Variants in ZFHX3 observed in about 807,000 individuals in gnomAD.
ZFHX3 encodes zinc finger homeobox 3, also known as zinc finger homeobox protein 3.
A neutral mutation model predicts 279.1 loss-of-function variants in ZFHX3; 42 were observed. The observed-to-expected ratio is 0.15, with a 90% CI of 0.12 to 0.19. ZFHX3 has a LOEUF of 0.19. ZFHX3 is among the 10% of genes least tolerant of loss of function. The pLI is 1.00. For synonymous variants in ZFHX3, 2,293 were observed against 1,957.8 expected (o/e 1.17, Z -4.52); for missense variants, 4,981 against 4,754.0 (o/e 1.05, Z -1.40).
rs1006848606 is a variant in ZFHX3, at chr16:73,265,778, T to C, written c.-1193-8642A>G. 1.6e-4 allele frequency among the ~76,000 whole-genome samples: 25 copies of C among 152,336 alleles called. 1 individual carries two copies. The highest frequency in any genetic ancestry group is 1.1e-3 in the Admixed American group (17 of 15,310). ...TTTGTATAAAAATGGCTGCAGCGAT[T>C]CACAACGTTTTGTTTGGTGATAGAG... On this transcript the variant is annotated intron_variant, in intron 4 of 17. Transcript: ENST00000641206.
At chr16:73,241,565 T>G (rs952104302) in intron 5 of ZFHX3, among the ~76,000 whole-genome samples, 1 of 151,590 alleles carries the variant, frequency 6.6e-6, no homozygotes, top group African/African-American at 2.4e-5. Context: ...CCCAGGCGGG[T>G]GGATCACCTG....
At chr16:72,916,825 A>G (rs1225490290) in intron 3 of ZFHX3, among the ~76,000 whole-genome samples, 3 of 152,220 alleles carry the variant, frequency 2.0e-5, no homozygotes, top group African/African-American at 7.2e-5. Context: ...CTCACAGTAT[A>G]TACCAAAATA....
chr16:73,526,916 T>C (rs1016228235), intron 2 of ZFHX3, among the ~76,000 whole-genome samples: 16 of 151,846 alleles, frequency 1.1e-4, no homozygotes, highest in Non-Finnish European at 1.8e-4. Flanking sequence ...TTACATTTAC[T>C]ATACAGTCCT....
intron 3 of ZFHX3, among the ~76,000 whole-genome samples, chr16:73,328,986 A>G (rs2015746676): frequency 6.6e-6 from 1 of 152,250 alleles, no homozygotes; most frequent in South Asian, 2.1e-4. Context: ...TTGCAAAGCT[A>G]CATGAACTCA....
intron 2 of ZFHX3, chr16:73,554,933 G>A (rs2020252586): frequency 5.3e-5 from 8 of 152,164 alleles, no homozygotes; most frequent in Admixed American, 5.2e-4. Flanking sequence ...CTGCTGGTAC[G>A]GGTATGAGTT....
chr16:73,750,309 G>C (rs779852904), intron 1 of ZFHX3, among the ~76,000 whole-genome samples: 2 of 152,162 alleles, frequency 1.3e-5, no homozygotes, highest in Non-Finnish European at 2.9e-5. Context: ...AAGCGGGTCT[G>C]GAGTGTACGA....
chr16:73,395,379 A>C (rs2017106284), intron 3 of ZFHX3, among the ~76,000 whole-genome samples: 1 of 151,936 alleles, frequency 6.6e-6, no homozygotes, highest in Admixed American at 6.6e-5. Context: ...TAGGAGAATC[A>C]CTTGAACCTG....
chr16:73,083,591 G>T (rs550400797), intron 8 of ZFHX3, among the ~76,000 whole-genome samples: 1 of 152,124 alleles, frequency 6.6e-6, no homozygotes, highest in African/African-American at 2.4e-5. Context: ...GTACAGTGGT[G>T]CAATCTTGGC....
chr16:73,153,240 C>G (rs1966991200), intron 5 of ZFHX3, among the ~76,000 whole-genome samples: 1 of 152,194 alleles, frequency 6.6e-6, no homozygotes, highest in African/African-American at 2.4e-5. Context: ...TAAGAATCAT[C>G]TTCGATAAAT....
At chr16:73,233,106 G>GC (rs2012827779) in intron 5 of ZFHX3, 1 of 44,648 alleles carries the variant, frequency 2.2e-5, no homozygotes, top group Non-Finnish European at 3.5e-5. Context: ...TTGGACCAGA[G>GC]CCAAAAAAAA....
chr16:73,832,609 G>A (rs1163898239), intron 1 of ZFHX3, among the ~76,000 whole-genome samples: 2 of 152,032 alleles, frequency 1.3e-5, no homozygotes, highest in Non-Finnish European at 2.9e-5. Flanking sequence ...GTGCAATGAT[G>A]CAATCATAGC....
chr16:73,850,688 C>A (rs1961572583), intron 1 of ZFHX3, among the ~76,000 whole-genome samples: 1 of 151,664 alleles, frequency 6.6e-6, no homozygotes, highest in South Asian at 2.1e-4. Flanking sequence ...CCCCAACCCA[C>A]CCAAGTCAGT....
intron 4 of ZFHX3, among the ~76,000 whole-genome samples, chr16:72,854,331 T>C (rs1221206052): frequency 6.6e-6 from 1 of 152,246 alleles, no homozygotes; most frequent in African/African-American, 2.4e-5. Flanking sequence ...CTGTCACTTC[T>C]ATACCGAAAG....
intron 1 of ZFHX3, among the ~76,000 whole-genome samples, chr16:73,878,888 T>G (rs761451736): frequency 2.9e-4 from 44 of 151,486 alleles, no homozygotes; most frequent in Non-Finnish European, 5.2e-4. Flanking sequence ...GGCTGATAGA[T>G]GTAACTGGAA....
At chr16:73,528,364 C>G (rs2019731331) in intron 2 of ZFHX3, among the ~76,000 whole-genome samples, 1 of 152,222 alleles carries the variant, frequency 6.6e-6, no homozygotes, top group East Asian at 1.9e-4. Context: ...AGATAACTTA[C>G]ACACATATTC....
At chr16:73,289,937 G>A (rs1332435565) in intron 4 of ZFHX3, among the ~76,000 whole-genome samples, 2 of 152,056 alleles carry the variant, frequency 1.3e-5, no homozygotes, top group Admixed American at 1.3e-4. Context: ...GGGTGCTGAG[G>A]AAAGGTGGTT....
Position 72,936,750 on chromosome 16 carries a change from T to G in ZFHX3, c.3216+13719A>C, listed in dbSNP as rs557729198. ...TGTAAGCCACAGTACAAAGGTGAGC[T>G]TTTATCTTAAGTGAGGTGGAAAGCC... On this transcript the variant is annotated intron_variant, in intron 3 of 9. Transcript: ENST00000268489. Among the ~76,000 whole-genome samples the G allele has an allele frequency of 1.3e-3, 195 of 152,224 alleles. 2 individuals carry two copies. In the Middle Eastern group the frequency reaches 0.02, roughly 16 times the overall value.
chr16:73,830,913 T>C (rs952266323), intron 1 of ZFHX3, among the ~76,000 whole-genome samples: 2 of 152,168 alleles, frequency 1.3e-5, no homozygotes, highest in African/African-American at 4.8e-5. Context: ...GACAGCAAAC[T>C]GTGCTCACTG....
intron 3 of ZFHX3, among the ~76,000 whole-genome samples, chr16:72,920,797 A>C (rs1227340519): frequency 6.6e-6 from 1 of 151,370 alleles, no homozygotes; most frequent in Non-Finnish European, 1.5e-5. Context: ...AGGCTGGGCA[A>C]GGTGGCTCAT....
Sources: allele counts gnomAD v4.1 joint callset (sites outside exome capture counted in the v4.1 genomes callset), GRCh38; gene constraint gnomAD v4.1.1; transcripts MANE v1.5; gene names NCBI Gene and HGNC (gene_info 2026-07-23, HGNC 2026-07-21).